The following ZBTB43 variants were observed in gnomAD, a reference collection of about 807,000 sequenced individuals.
ZBTB43 encodes the protein zinc finger and BTB domain-containing protein 43.
In ZBTB43, 6 loss-of-function variants were observed where a neutral mutation model predicts 31.1. The observed-to-expected ratio is 0.19, with a 90% CI of 0.11 to 0.38. The LOEUF (loss-of-function observed/expected upper bound fraction) is 0.38. ZBTB43 is among the 10% of genes least tolerant of loss of function. The pLI is 1.00. For synonymous variants in ZBTB43, 212 were observed against 221.7 expected, an observed-to-expected ratio of 0.96 and a Z score of 0.39; for missense variants, 379 against 602.1, an observed-to-expected ratio of 0.63 and a Z score of 3.88.
chr9:126,822,159 AT>A (rs773251812), intron 2 of ZBTB43, among the ~76,000 whole-genome samples: 3,649 of 117,910 alleles, frequency 0.031, 91 homozygotes, highest in African/African-American at 0.087. Context: ...CTCGGCCGAG[AT>A]TTTTTTTTTT....
At chr9:126,815,163 G>A (rs1196229693) in intron 2 of ZBTB43, among the ~76,000 whole-genome samples, 2 of 149,700 alleles carry the variant, frequency 1.3e-5, no homozygotes, top group East Asian at 1.9e-4. Context: ...TGTATAAAAT[G>A]TATGTGTGTA....
chr9:126,817,128 T>TTTTTTTA (rs2032404848), intron 2 of ZBTB43, among the ~76,000 whole-genome samples: 1 of 110,906 alleles, frequency 9.0e-6, no homozygotes, highest in African/African-American at 3.2e-5. Flanking sequence ...TTTTTTTTTT[T>TTTTTTTA]GAGACAGAGT....
intron 1 of ZBTB43, among the ~76,000 whole-genome samples, chr9:126,807,470 A>C (rs1440896875): frequency 6.6e-6 from 1 of 152,150 alleles, no homozygotes. Context: ...ATTGATGAGG[A>C]CCTCAGCAGT....
chr9:126,824,716 CT>C (rs2032594744), intron 2 of ZBTB43, among the ~76,000 whole-genome samples: 1 of 152,268 alleles, frequency 6.6e-6, no homozygotes, highest in East Asian at 1.9e-4. Context: ...TTCTCTTTGG[CT>C]TTGGCTCTTT....
At chr9:126,825,842 ATTT>A (rs72512629) in intron 2 of ZBTB43, among the ~76,000 whole-genome samples, 1,526 of 91,164 alleles carry the variant, frequency 0.017, 22 homozygotes, top group African/African-American at 0.055. Context: ...TCCTTTTTAT[ATTT>A]TTTTTTTTTT....
Position 126,813,723 on chromosome 9 carries a change from T to C in ZBTB43, c.-24+4808T>C, listed in dbSNP as rs568805968. Among the ~76,000 whole-genome samples, 29 of 152,350 alleles carry C rather than the reference T, an allele frequency of 1.9e-4. No individual in the cohort carries two copies. In the South Asian group the frequency reaches 5.6e-3, roughly 29 times the overall value. Reference sequence around the variant, plus strand: ...CAGAATGCCATGTGATTTATAATTTTTCTTTCTATGTTAATAAGTGAGATT... The same window carrying C: ...CAGAATGCCATGTGATTTATAATTTCTCTTTCTATGTTAATAAGTGAGATT... On this transcript the variant is annotated intron_variant, in intron 2 of 2. Transcript: ENST00000373464.
chr9:126,819,763 T>C (rs2032471076), intron 2 of ZBTB43, among the ~76,000 whole-genome samples: 1 of 152,168 alleles, frequency 6.6e-6, no homozygotes, highest in Non-Finnish European at 1.5e-5. Context: ...AAAGCAAACA[T>C]AAGCCAAAAG....
At chr9:126,825,920 AC>A (rs2032623217) in intron 2 of ZBTB43, among the ~76,000 whole-genome samples, 1 of 135,168 alleles carries the variant, frequency 7.4e-6, no homozygotes, top group Admixed American at 8.3e-5. Flanking sequence ...ATCTCAGCTC[AC>A]TGCAACCTCC....
intron 2 of ZBTB43, among the ~76,000 whole-genome samples, chr9:126,830,501 C>T (rs1002451470): frequency 2.6e-5 from 4 of 152,046 alleles, no homozygotes; most frequent in African/African-American, 7.2e-5. Context: ...AAAAATTAGC[C>T]GGATGTGGTA....
At chr9:126,815,225 GTTTTCAATATATAAAACTATATATATAT>G (rs1250404472) in intron 2 of ZBTB43, among the ~76,000 whole-genome samples, 29 of 49,082 alleles carry the variant, frequency 5.9e-4, no homozygotes, top group African/African-American at 1.8e-3. Flanking sequence ...TATATATATA[GTTTTCAATATATAAAACTATATATATAT>G]AGTTTTCAAT....
chr9:126,811,241 A>T (rs946681623), intron 2 of ZBTB43, among the ~76,000 whole-genome samples: 1 of 152,006 alleles, frequency 6.6e-6, no homozygotes, highest in African/African-American at 2.4e-5. Flanking sequence ...AAAAGAAGAA[A>T]AAATTATATT....
intron 2 of ZBTB43, 124 bp from the exon 3 acceptor site, chr9:126,832,363 C>A (rs2032782563): frequency 9.1e-6 from 8 of 879,322 alleles, no homozygotes; most frequent in Non-Finnish European, 1.4e-5. Flanking sequence ...GAATCCCTTA[C>A]CCAGTGGGGC....
chr9:126,824,575 TA>T, intron 2 of ZBTB43, among the ~76,000 whole-genome samples: 1 of 152,294 alleles, frequency 6.6e-6, no homozygotes, highest in East Asian at 1.9e-4. Flanking sequence ...TTAAGCGCTT[TA>T]AATAGATTGT....
At chr9:126,814,679 G>A (rs1165430139) in intron 2 of ZBTB43, among the ~76,000 whole-genome samples, 1 of 152,074 alleles carries the variant, frequency 6.6e-6, no homozygotes, top group Non-Finnish European at 1.5e-5. Flanking sequence ...CGTAGTCCCA[G>A]CTACTTGGGA....
At position 126,837,599 on chromosome 9, in the gene ZBTB43, GTC is replaced by G; in HGVS notation, c.*3690_*3691del. ...GAGTCCAGGTTTTTGCTTTTGGAAG[GTC>G]TCTGATAATTTAGGGGTGCTGGAAA... On this transcript the variant is annotated 3_prime_UTR_variant, in exon 3 of 3. Transcript: ENST00000373464. The G allele has an allele frequency of 6.0e-6, 1 of 167,224 alleles. No homozygotes were observed. Among genetic ancestry groups the G allele is most frequent in the East Asian group, 1.9e-4 (1 of 5,188 alleles). The allele number at this position is 167,224 out of a possible 1,614,324, so 10.4% of individuals were successfully genotyped here. A position where few individuals can be genotyped will look rare whatever the true frequency, so the allele number is the denominator to read the frequency against.
chr9:126,826,564 C>T (rs774989414), intron 2 of ZBTB43, among the ~76,000 whole-genome samples: 15 of 143,942 alleles, frequency 1.0e-4, no homozygotes, highest in Non-Finnish European at 1.8e-4. Context: ...CCCGGGTTCA[C>T]GCCATTCTCC....
At chr9:126,807,149 C>G (rs2032144182) in intron 1 of ZBTB43, among the ~76,000 whole-genome samples, 1 of 152,140 alleles carries the variant, frequency 6.6e-6, no homozygotes, top group South Asian at 2.1e-4. Context: ...TGAATTACTA[C>G]TTTATTTAAT....
chr9:126,828,397 A>G (rs2032691273), intron 2 of ZBTB43, among the ~76,000 whole-genome samples: 1 of 151,628 alleles, frequency 6.6e-6, no homozygotes, highest in Admixed American at 6.6e-5. Context: ...GTTAGCCAGG[A>G]TGGTCTCGAT....
intron 2 of ZBTB43, 25 bp from the exon 3 acceptor site, chr9:126,832,462 G>A: frequency 6.4e-7 from 1 of 1,551,204 alleles, no homozygotes; most frequent in South Asian, 1.2e-5. Flanking sequence ...GCTGGAATTT[G>A]TACTAATTTT....
Sources: allele counts gnomAD v4.1 joint callset (sites outside exome capture counted in the v4.1 genomes callset), GRCh38; gene constraint gnomAD v4.1.1; transcripts MANE v1.5; gene names NCBI Gene and HGNC (gene_info 2026-07-23, HGNC 2026-07-21).